The following ST8SIA4 variants were observed in gnomAD, a reference collection of about 807,000 sequenced individuals.
ST8SIA4 encodes the protein ST8 alpha-N-acetyl-neuraminide alpha-2,8-sialyltransferase 4.
ST8SIA4 carries 15 observed loss-of-function variants against 33.9 expected under a neutral mutation model. The ratio of observed to expected loss-of-function variants is 0.44; its 90% CI spans 0.30 to 0.68. ST8SIA4 has a LOEUF of 0.68. Ranked by LOEUF, ST8SIA4 falls within the 30% of genes least tolerant of loss-of-function variation. The probability of loss-of-function intolerance (pLI) is 0.10; values close to 1 mark genes in which losing one functional copy is unlikely to be tolerated. For missense variants in ST8SIA4, 321 were observed against 428.0 expected (o/e 0.75, Z 2.21); for synonymous variants, 171 against 151.2 (o/e 1.13, Z -0.96).
chr5:100,879,375 G>A (rs1003829186), intron 3 of ST8SIA4, among the ~76,000 whole-genome samples: 1 of 152,160 alleles, frequency 6.6e-6, no homozygotes, highest in African/African-American at 2.4e-5. Flanking sequence ...GTTCTTGAAA[G>A]TTAAGCTCAT....
At position 100,836,243 on chromosome 5, in the gene ST8SIA4, CTCTTAATAA is replaced by C. The variant is rs1380371586; in HGVS notation, c.797+19851_797+19859del. Among the ~76,000 whole-genome samples, 6 of 152,136 alleles carry C rather than the reference CTCTTAATAA, an allele frequency of 3.9e-5. No homozygotes were observed. The East Asian group carries it at 9.7e-4, about 24-fold the overall frequency. On this transcript the variant is annotated intron_variant, in intron 4 of 4. Transcript: ENST00000231461. The stretch of plus-strand genomic sequence containing the variant: ...TTTCTCAGAGCCCTATGAGTAGACA[CTCTTAATAA>C]TCTTATTTTACAGATAAGGGATGAT...
At position 100,821,291 on chromosome 5, in the gene ST8SIA4, A is replaced by T. The variant is rs557309292; in HGVS notation, c.798-9162T>A. ...GGTGGTAGTGGTGTAGGTAATCCTA[A>T]CGCTCAGTAAAAATGGGTTAGATAG... On this transcript the variant is annotated intron_variant, in intron 4 of 4. Transcript: ENST00000231461. Among the ~76,000 whole-genome samples the T allele has an allele frequency of 3.9e-5, 6 of 152,230 alleles. No individual in the cohort carries two copies. In the South Asian group the frequency reaches 1.2e-3, roughly 32 times the overall value.
chr5:100,817,954 T>G (rs1324443318), intron 4 of ST8SIA4, among the ~76,000 whole-genome samples: 1 of 152,142 alleles, frequency 6.6e-6, no homozygotes, highest in Non-Finnish European at 1.5e-5. Flanking sequence ...AATAATTTAT[T>G]GAGAGTATAT....
At chr5:100,895,813 G>A (rs766946817) in intron 1 of ST8SIA4, 28 bp from the exon 2 acceptor site, 7 of 1,609,646 alleles carry the variant, frequency 4.3e-6, no homozygotes, top group Non-Finnish European at 5.9e-6. Flanking sequence ...TGCCAGCTTT[G>A]TGAAAGTAAG....
chr5:100,888,743 C>T (rs144913425), intron 2 of ST8SIA4, among the ~76,000 whole-genome samples: 2 of 151,814 alleles, frequency 1.3e-5, no homozygotes, highest in Non-Finnish European at 2.9e-5. Flanking sequence ...AGGAAAGTAA[C>T]TCATATCTTT....
chr5:100,855,900 T>G (rs767743558), intron 4 of ST8SIA4, among the ~76,000 whole-genome samples: 1 of 152,158 alleles, frequency 6.6e-6, no homozygotes, highest in Non-Finnish European at 1.5e-5. Context: ...GTTCAACAAT[T>G]TGCTTTTTCA....
intron 4 of ST8SIA4, among the ~76,000 whole-genome samples, chr5:100,850,838 G>T (rs1021344644): frequency 2.6e-5 from 4 of 151,288 alleles, no homozygotes; most frequent in African/African-American, 9.7e-5. Context: ...AGACAAAAAG[G>T]ATAGATGAAT....
At chr5:100,891,424 G>T (rs1200905863) in intron 2 of ST8SIA4, among the ~76,000 whole-genome samples, 1 of 151,950 alleles carries the variant, frequency 6.6e-6, no homozygotes, top group African/African-American at 2.4e-5. Context: ...TGTTTTGAAA[G>T]ATTATTTTTG....
intron 1 of ST8SIA4, among the ~76,000 whole-genome samples, chr5:100,896,981 TC>T (rs1443435551): frequency 6.6e-6 from 1 of 152,160 alleles, no homozygotes; most frequent in Non-Finnish European, 1.5e-5. Context: ...GCCACAGTAG[TC>T]TTACCTTACC....
At chr5:100,857,576 T>C (rs551932701) in intron 3 of ST8SIA4, among the ~76,000 whole-genome samples, 1 of 152,140 alleles carries the variant, frequency 6.6e-6, no homozygotes, top group South Asian at 2.1e-4. Context: ...GAAGGGATTT[T>C]CTTTTTCTGC....
intron 3 of ST8SIA4, among the ~76,000 whole-genome samples, chr5:100,881,142 C>T (rs957089289): frequency 7.9e-5 from 12 of 152,130 alleles, no homozygotes; most frequent in African/African-American, 2.9e-4. Context: ...TGTAGATTTA[C>T]AGAAATGTGT....
Position 100,807,015 on chromosome 5 carries a change from T to C in ST8SIA4, c.*4832A>G, listed in dbSNP as rs1206851840. 5.3e-5 allele frequency: 8 copies of C among 152,088 alleles called. No individual in the cohort carries two copies. The highest frequency in any genetic ancestry group is 2.6e-4 in the Admixed American group (4 of 15,280). 9.4% of individuals were successfully genotyped at this position (152,088 alleles called of 1,614,324 possible). A position where few individuals can be genotyped will look rare whatever the true frequency, so the allele number is the denominator to read the frequency against. On this transcript the variant is annotated 3_prime_UTR_variant, in exon 5 of 5. Transcript: ENST00000231461. ...ATCGTTAAGGATTTCCTAATATTCATGGGGTTTTTGACATTGTTCATATTC... is the reference window on the plus strand; with the variant it reads ...ATCGTTAAGGATTTCCTAATATTCACGGGGTTTTTGACATTGTTCATATTC...
chr5:100,833,399 C>T (rs1751299971), intron 4 of ST8SIA4, among the ~76,000 whole-genome samples: 1 of 151,992 alleles, frequency 6.6e-6, no homozygotes, highest in Admixed American at 6.6e-5. Flanking sequence ...AAATGAATAC[C>T]TAGCATAATA....
chr5:100,842,204 CTG>C (rs1224578334), intron 4 of ST8SIA4, among the ~76,000 whole-genome samples: 1 of 151,760 alleles, frequency 6.6e-6, no homozygotes, highest in African/African-American at 2.4e-5. Context: ...TTTATATATT[CTG>C]TGTTATTTCT....
intron 3 of ST8SIA4, among the ~76,000 whole-genome samples, chr5:100,873,243 G>T (rs1379087576): frequency 1.3e-5 from 2 of 152,052 alleles, no homozygotes; most frequent in Non-Finnish European, 2.9e-5. Context: ...AAGCTGCAGG[G>T]CAGGGAATGA....
intron 3 of ST8SIA4, among the ~76,000 whole-genome samples, chr5:100,879,257 T>C (rs1236705449): frequency 6.6e-6 from 1 of 152,174 alleles, no homozygotes; most frequent in African/African-American, 2.4e-5. Flanking sequence ...AAACTCCTAG[T>C]CCTAAGTGTA....
In ST8SIA4 at chr5:100,812,139, C is replaced by T; in HGVS notation, c.798-10G>A. 1 of 1,596,378 alleles carries T rather than the reference C, an allele frequency of 6.3e-7. No individual in the cohort carries two copies. The highest frequency in any genetic ancestry group is 1.4e-5 in the African/African-American group (1 of 73,530). On this transcript the variant is annotated splice_polypyrimidine_tract_variant and intron_variant, in intron 4 of 4. Transcript: ENST00000231461. ...GTTGGTCAGCCAGTAACTGGAAAAA[C>T]AAAAAACAAAATCAAGAAGAGAAGA...
rs569881887 is a variant in ST8SIA4, at chr5:100,881,664, T to G, written c.503+4679A>C. On this transcript the variant is annotated intron_variant, in intron 3 of 4. Transcript: ENST00000231461. ...TCTCACTTGATATAGTTTAGCTGGG[T>G]CCCCACCCAAATCTCATCTTGCATT... 1.3e-4 allele frequency among the ~76,000 whole-genome samples: 20 copies of G among 152,280 alleles called. No individual in the cohort carries two copies. The South Asian group carries it at 3.3e-3, about 25-fold the overall frequency.
At chr5:100,894,970 T>C (rs532571132) in intron 2 of ST8SIA4, among the ~76,000 whole-genome samples, 1 of 152,164 alleles carries the variant, frequency 6.6e-6, no homozygotes, top group South Asian at 2.1e-4. Context: ...AATGTAACTA[T>C]AAAGAAAAAA....
Sources: allele counts gnomAD v4.1 joint callset (sites outside exome capture counted in the v4.1 genomes callset), GRCh38; gene constraint gnomAD v4.1.1; transcripts MANE v1.5; gene names NCBI Gene and HGNC (gene_info 2026-07-23, HGNC 2026-07-21).